The following GNAS variants were observed in gnomAD, a reference collection of about 807,000 sequenced individuals.
GNAS encodes protein ALEX.
A neutral mutation model predicts 54.5 loss-of-function variants in GNAS; 8 were observed. The observed-to-expected ratio is 0.15, with a 90% CI of 0.09 to 0.26. GNAS has a LOEUF of 0.26. Ranked by LOEUF, GNAS falls within the 10% of genes least tolerant of loss-of-function variation. GNAS has a pLI of 1.00. For synonymous variants in GNAS, 204 were observed against 191.4 expected, an observed-to-expected ratio of 1.07 and a Z score of -0.54; for missense variants, 170 against 529.8, an observed-to-expected ratio of 0.32 and a Z score of 6.67.
intron 1 of GNAS, among the ~76,000 whole-genome samples, chr20:58,849,632 C>T (rs544741069): frequency 9.8e-5 from 15 of 152,336 alleles, no homozygotes; most frequent in Non-Finnish European, 1.5e-4. Flanking sequence ...CCACTGACTT[C>T]CCTGTCCCAC....
At chr20:58,882,282 C>T (rs1334608075) in intron 1 of GNAS, among the ~76,000 whole-genome samples, 2 of 152,200 alleles carry the variant, frequency 1.3e-5, no homozygotes, top group Non-Finnish European at 2.9e-5. Context: ...TGGTCTCGAT[C>T]TCCTGACCTC....
intron 1 of GNAS, chr20:58,855,737 AGGCGCGCCCCGCCTCGCCT>A (rs1294329895): frequency 3.2e-6 from 2 of 623,264 alleles, no homozygotes; most frequent in African/African-American, 1.9e-5. Flanking sequence ...TCATTGGGGA[AGGCGCGCCCCGCCTCGCCT>A]GGCACGGCTG....
At chr20:58,840,611 C>T (rs751030899), upstream of GNAS, 17 of 1,608,786 alleles carry the variant, frequency 1.1e-5, no homozygotes, top group Admixed American at 2.8e-4. This position sits in a 1 kb window ranked among gnomAD's most constrained non-coding sequence, Gnocchi z 6.0. Context: ...TCTCAAGTTG[C>T]GAAGCCCCGA....
intron 1 of GNAS, among the ~76,000 whole-genome samples, chr20:58,894,942 C>T (rs2089902124): frequency 6.6e-6 from 1 of 152,058 alleles, no homozygotes; most frequent in Non-Finnish European, 1.5e-5. Flanking sequence ...TAGTTGTACC[C>T]AGAGGGAATT....
At chr20:58,869,120 G>A (rs951900593) in intron 1 of GNAS, among the ~76,000 whole-genome samples, 4 of 152,208 alleles carry the variant, frequency 2.6e-5, no homozygotes, top group Admixed American at 2.6e-4. Flanking sequence ...AGCCAAGGCA[G>A]GAAAGCACAC....
At chr20:58,866,180 C>G (rs1440498330) in intron 1 of GNAS, among the ~76,000 whole-genome samples, 3 of 152,164 alleles carry the variant, frequency 2.0e-5, no homozygotes, top group African/African-American at 4.8e-5. Context: ...GCCCCAGTTG[C>G]TGGGTCTCCC....
chr20:58,902,839 C>G (rs1279908684), intron 3 of GNAS: 5 of 146,956 alleles, frequency 3.4e-5, no homozygotes, highest in Non-Finnish European at 7.3e-5. Context: ...TCAAGCAATT[C>G]TCCTGCCTCA....
At chr20:58,885,310 A>G (rs1432345557) in intron 1 of GNAS, among the ~76,000 whole-genome samples, 3 of 152,198 alleles carry the variant, frequency 2.0e-5, no homozygotes, top group African/African-American at 7.2e-5. Context: ...TTGCCCTCAT[A>G]TTATGTGCCA....
At position 58,841,646 on chromosome 20, in the gene GNAS, C is replaced by A. The variant is rs2085733487; in HGVS notation, c.43+760C>A. 1.8e-6 allele frequency: 2 copies of A among 1,109,136 alleles called. No individual in the cohort carries two copies. The highest frequency in any genetic ancestry group is 2.2e-6 in the Non-Finnish European group (2 of 909,924). The allele number at this position is 1,109,136 out of a possible 1,614,324, so 68.7% of individuals were successfully genotyped here. ...CGCCGGAGCTGACCTCTCCCGGCGG[C>A]GGGCGGTTAGGGGAAAGTACCTGGG... On this transcript the variant is annotated intron_variant, in intron 1 of 12. Coordinates refer to the GNAS transcript ENST00000306090. The surrounding 1 kb of genome is among the most constrained non-coding windows in gnomAD (Gnocchi z 5.0).
rs1363766962 is a variant in GNAS, at chr20:58,863,043, G to A, written c.43+22157G>A. Among the ~76,000 whole-genome samples the A allele has an allele frequency of 6.6e-6, 1 of 151,954 alleles. No homozygotes were observed. Among genetic ancestry groups the A allele is most frequent in the Non-Finnish European group, 1.5e-5 (1 of 68,012 alleles). On this transcript the variant is annotated intron_variant, in intron 1 of 12. Transcript: ENST00000306090. The surrounding 1 kb of genome is among the most constrained non-coding windows in gnomAD (Gnocchi z 4.1). ...AGATGGTGAACCAGGCCAGCTCATG[G>A]GAATTGAAGATGAAGAGACCTCCAA...
intron 1 of GNAS, chr20:58,855,761 C>T (rs1020288856): frequency 4.9e-6 from 3 of 617,980 alleles, no homozygotes; most frequent in Non-Finnish European, 8.8e-6. Context: ...TCGCCTGGCA[C>T]GGCTGCTTGG....
At chr20:58,890,930 C>T (rs1014257306), upstream of GNAS, 1 of 152,068 alleles carries the variant, frequency 6.6e-6, no homozygotes, top group Non-Finnish European at 1.5e-5. Flanking sequence ...CGAAAATTTT[C>T]CTAAGTCCGG....
chr20:58,899,253 T>G (rs1569002636), intron 3 of GNAS, among the ~76,000 whole-genome samples: 1 of 152,208 alleles, frequency 6.6e-6, no homozygotes, highest in Non-Finnish European at 1.5e-5. Context: ...ATGATCAGTT[T>G]AGGATTTTGA....
rs972184738 is a variant in GNAS at position 58,853,102 on chromosome 20, G to A, written c.43+12216G>A. 1 of 1,421,326 alleles carries A rather than the reference G, an allele frequency of 7.0e-7. No homozygotes were observed. Among genetic ancestry groups the A allele is most frequent in the Non-Finnish European group, 9.1e-7 (1 of 1,093,626 alleles). The allele number at this position is 1,421,326 out of a possible 1,614,324, so 88.0% of individuals were successfully genotyped here. ...CAGCCTCAGTCTAGGGTTCCTTCCA[G>A]GCCTTGAACCCCCCAACCTCACAAG... On this transcript the variant is annotated intron_variant, in intron 1 of 12. Coordinates refer to the GNAS transcript ENST00000306090. The surrounding 1 kb of genome is among the most constrained non-coding windows in gnomAD (Gnocchi z 4.4).
Position 58,853,446 on chromosome 20 carries a change from G to C in GNAS, c.43+12560G>C. On this transcript the variant is annotated intron_variant, in intron 1 of 12. Coordinates refer to the GNAS transcript ENST00000306090. The surrounding 1 kb of genome is among the most constrained non-coding windows in gnomAD (Gnocchi z 4.4). ...ACCGCCTCACAACGAGCCCATCCCC[G>C]TCGAGAATGATGGCGAGGCCTGTGG... 6.2e-7 allele frequency: 1 copy of C among 1,610,404 alleles called. No individual in the cohort carries two copies. The highest frequency in any genetic ancestry group is 8.5e-7 in the Non-Finnish European group (1 of 1,178,626).
Position 58,873,273 on chromosome 20 carries a change from T to C in GNAS, c.44-22339T>C, listed in dbSNP as rs1308697688. Among the ~76,000 whole-genome samples the C allele has an allele frequency of 6.6e-6, 1 of 152,172 alleles. No homozygotes were observed. Among genetic ancestry groups the C allele is most frequent in the Non-Finnish European group, 1.5e-5 (1 of 68,032 alleles). On this transcript the variant is annotated intron_variant, in intron 1 of 12. Coordinates refer to the GNAS transcript ENST00000306090. The surrounding 1 kb of genome is among the most constrained non-coding windows in gnomAD (Gnocchi z 4.3). Reference sequence around the variant, plus strand: ...AGGGAGTTAGGGGTCACGGTGGTTCTTCAGGAAGAAAGAAATGTTGTTGGG... The same window carrying C: ...AGGGAGTTAGGGGTCACGGTGGTTCCTCAGGAAGAAAGAAATGTTGTTGGG...
At chr20:58,908,447 A>G (rs1160803945) in intron 6 of GNAS, among the ~76,000 whole-genome samples, 1 of 151,778 alleles carries the variant, frequency 6.6e-6, no homozygotes, top group Non-Finnish European at 1.5e-5. Context: ...CTTTGTGCCA[A>G]CCTCTTTTGT....
chr20:58,898,671 T>C, intron 2 of GNAS: 1 of 574,772 alleles, frequency 1.7e-6, no homozygotes, highest in Non-Finnish European at 3.1e-6. Context: ...CAATTATCCA[T>C]CCCTCCTGTC....
chr20:58,894,472 A>G (rs568103066), intron 1 of GNAS, among the ~76,000 whole-genome samples: 1 of 152,348 alleles, frequency 6.6e-6, no homozygotes, highest in East Asian at 1.9e-4. Context: ...ATGCTGTGCT[A>G]TCTGGGCATT....
Sources: gnomAD v4.1 joint callset for allele counts (sites outside exome capture counted in the v4.1 genomes callset) on GRCh38, gnomAD v4.1.1 for gene constraint, Gnocchi (gnomAD v3.1) non-coding constraint, MANE v1.5 for transcripts, NCBI Gene and HGNC (gene_info 2026-07-23, HGNC 2026-07-21) for gene names.